TMEM266: variants seen among roughly 807,000 people sequenced by gnomAD.
The protein encoded by TMEM266 is Hv1 related protein 1.
In TMEM266, 33 loss-of-function variants were observed where a neutral mutation model predicts 50.5. That is an observed-to-expected ratio of 0.65 (90% CI 0.50 to 0.87). TMEM266 has a LOEUF of 0.87. Ranked by LOEUF, TMEM266 falls within the 40% of genes least tolerant of loss-of-function variation. The pLI, the probability that TMEM266 is intolerant of heterozygous loss-of-function variation, is 0.00. For missense variants in TMEM266, 655 were observed against 695.1 expected, an observed-to-expected ratio of 0.94 and a Z score of 0.65; for synonymous variants, 310 against 292.3, an observed-to-expected ratio of 1.06 and a Z score of -0.62.
chr15:76,187,003 G>A (rs7174889), intron 8 of TMEM266, among the ~76,000 whole-genome samples: 63,415 of 152,062 alleles, frequency 0.42, 15,824 homozygotes, highest in Middle Eastern at 0.6. Context: ...TCTCGGAGGC[G>A]ACTTGTTCCC....
intron 1 of TMEM266, among the ~76,000 whole-genome samples, chr15:76,096,709 T>TA (rs2036925932): frequency 6.6e-6 from 1 of 152,038 alleles, no homozygotes; most frequent in Non-Finnish European, 1.5e-5. Context: ...AGGTGGGTGT[T>TA]AAAGTCTCCC....
chr15:76,173,715 C>A (rs1271397270), intron 7 of TMEM266, among the ~76,000 whole-genome samples: 1 of 151,782 alleles, frequency 6.6e-6, no homozygotes, highest in African/African-American at 2.4e-5. Context: ...GGCAGATCAC[C>A]TGAGGGCAGG....
Position 76,161,373 on chromosome 15 carries a change from C to T in TMEM266, c.456+1205C>T, listed in dbSNP as rs1324651978. Among the ~76,000 whole-genome samples the T allele has an allele frequency of 6.6e-6, 1 of 151,946 alleles. No individual in the cohort carries two copies. The highest frequency in any genetic ancestry group is 1.9e-4 in the East Asian group (1 of 5,178). On this transcript the variant is annotated intron_variant, in intron 5 of 10. Coordinates refer to ENST00000388942, the MANE Select transcript of TMEM266 (RefSeq NM_152335.3). The surrounding 1 kb of genome is among the most constrained non-coding windows in gnomAD (Gnocchi z 4.1). The stretch of plus-strand genomic sequence containing the variant: ...GGAAGGATGCTATGGGAGAGGGTGG[C>T]GTGGGCAGAGGCACTGAGGTGGGGA...
At chr15:76,142,447 A>T (rs2142035728) in intron 3 of TMEM266, among the ~76,000 whole-genome samples, 1 of 152,316 alleles carries the variant, frequency 6.6e-6, no homozygotes, top group South Asian at 2.1e-4. Context: ...TATATCCAAA[A>T]GCGGGAATTG....
chr15:76,133,804 GACAA>G (rs2037550201), intron 1 of TMEM266, among the ~76,000 whole-genome samples: 1 of 152,226 alleles, frequency 6.6e-6, no homozygotes, highest in African/African-American at 2.4e-5. Flanking sequence ...AGATTTTTTA[GACAA>G]ACCTTATTTT....
chr15:76,137,572 G>GGGAAGA (rs2142031841), intron 2 of TMEM266, 135 bp from the exon 3 acceptor site: 1 of 851,198 alleles, frequency 1.2e-6, no homozygotes, highest in Admixed American at 2.0e-5. Context: ...GTGGCCAGCA[G>GGGAAGA]GGAAGAGGGG....
At chr15:76,191,903 G>A in intron 8 of TMEM266, 65 bp from the exon 9 acceptor site, 2 of 1,444,942 alleles carry the variant, frequency 1.4e-6, no homozygotes, top group Non-Finnish European at 1.8e-6. Flanking sequence ...AGCGCCCAGA[G>A]GTCAGGCTGG....
At chr15:76,086,260 T>G (rs1389399814) in intron 1 of TMEM266, among the ~76,000 whole-genome samples, 1 of 152,090 alleles carries the variant, frequency 6.6e-6, no homozygotes, top group Admixed American at 6.5e-5. Flanking sequence ...AGCTGAAGAA[T>G]CCAGGCACAG....
Position 76,202,426 on chromosome 15 carries a change from C to T in TMEM266, c.1021+162C>T, listed in dbSNP as rs549260692. ...AAAATATCGGAGCTTCAGCTTCCAG[C>T]AAACTCCAGCACTGGAGCTGGGGGT... On this transcript the variant is annotated intron_variant, in intron 10 of 10. Transcript: ENST00000388942. Among the ~76,000 whole-genome samples the T allele has an allele frequency of 9.2e-5, 14 of 152,364 alleles. No homozygotes were observed. In the South Asian group the frequency reaches 2.9e-3, roughly 32 times the overall value.
At chr15:76,075,188 T>A (rs2036588142) in intron 1 of TMEM266, among the ~76,000 whole-genome samples, 1 of 151,998 alleles carries the variant, frequency 6.6e-6, no homozygotes, top group Admixed American at 6.5e-5. Context: ...CCAGGGTATG[T>A]GGATGACATT....
chr15:76,191,927 C>T (rs2142082043), intron 8 of TMEM266, 41 bp from the exon 9 acceptor site: 6 of 1,524,080 alleles, frequency 3.9e-6, no homozygotes, highest in Admixed American at 2.0e-5. Flanking sequence ...CCCCCGCCGG[C>T]CCCTCGCCGC....
intron 1 of TMEM266, among the ~76,000 whole-genome samples, chr15:76,071,360 G>A (rs1444915605): frequency 1.3e-5 from 2 of 152,166 alleles, no homozygotes; most frequent in Non-Finnish European, 2.9e-5. Context: ...GAACTGTTCT[G>A]GCCACCATTA....
intron 1 of TMEM266, among the ~76,000 whole-genome samples, chr15:76,108,019 C>A (rs1227851240): frequency 6.6e-6 from 1 of 152,250 alleles, no homozygotes; most frequent in African/African-American, 2.4e-5. Context: ...TTTCTCCTTA[C>A]TCTGGCTACC....
At chr15:76,124,230 G>A (rs948932917) in intron 1 of TMEM266, among the ~76,000 whole-genome samples, 8 of 152,266 alleles carry the variant, frequency 5.3e-5, no homozygotes, top group East Asian at 3.9e-4. Context: ...TTTGGGAGTC[G>A]GTGTGAGGAT....
At chr15:76,147,860 T>C (rs777061011) in intron 3 of TMEM266, among the ~76,000 whole-genome samples, 8 of 152,150 alleles carry the variant, frequency 5.3e-5, no homozygotes, top group Non-Finnish European at 1.0e-4. Flanking sequence ...AACCCCTCTC[T>C]ACAAAAATTT....
intron 9 of TMEM266, among the ~76,000 whole-genome samples, chr15:76,194,811 C>T (rs1021778709): frequency 2.6e-5 from 4 of 152,118 alleles, no homozygotes; most frequent in Admixed American, 6.6e-5. Flanking sequence ...ATATAAGGAC[C>T]TCATCTTAAC....
intron 1 of TMEM266, among the ~76,000 whole-genome samples, chr15:76,068,404 G>A (rs1328198780): frequency 6.6e-6 from 1 of 152,222 alleles, no homozygotes; most frequent in Admixed American, 6.5e-5. Flanking sequence ...TATCTTCAGT[G>A]TTCCAGACTT....
In TMEM266 at chr15:76,204,113, G is replaced by T; in HGVS notation, c.1394G>T (p.Arg465Leu). The T allele has an allele frequency of 6.2e-7, 1 of 1,612,886 alleles. No homozygotes were observed. The highest frequency in any genetic ancestry group is 8.5e-7 in the Non-Finnish European group (1 of 1,179,616). Residue 465 changes from arginine to leucine, a missense_variant, in exon 11 of 11, where the codon CGG (arginine) becomes CTG (leucine). Physicochemically the swap from Arg to Leu is moderately radical, Grantham distance 102. This residue lies in a region of TMEM266 where 455 missense variants were observed against 401.8 expected (regional missense o/e 1.13). Coordinates refer to ENST00000388942, the MANE Select transcript of TMEM266 (RefSeq NM_152335.3). ...GCCTTGGACCCAGCCCCCCTCGCCCGGCCCAGCCCAGCGGGCTCGGCCCAA... is the reference window on the plus strand; with the variant it reads ...GCCTTGGACCCAGCCCCCCTCGCCCTGCCCAGCCCAGCGGGCTCGGCCCAA...
chr15:76,163,008 C>T (rs1304838492), intron 5 of TMEM266, among the ~76,000 whole-genome samples: 2 of 152,230 alleles, frequency 1.3e-5, no homozygotes, highest in Non-Finnish European at 2.9e-5. Context: ...GAGCCCTGGG[C>T]CTGTCCTGAA....
Sources: allele counts gnomAD v4.1 joint callset (sites outside exome capture counted in the v4.1 genomes callset), GRCh38; gene constraint gnomAD v4.1.1; regional missense constraint gnomAD v4.1.1; non-coding constraint Gnocchi (gnomAD v3.1); transcripts MANE v1.5; gene names NCBI Gene and HGNC (gene_info 2026-07-23, HGNC 2026-07-21).